The following TSACC variants were observed in gnomAD, a reference collection of about 807,000 sequenced individuals.
The protein encoded by TSACC is TSSK6 activating cochaperone, also known as TSSK6-activating co-chaperone protein.
A neutral mutation model predicts 6.9 loss-of-function variants in TSACC; 3 were observed. The observed-to-expected ratio is 0.43, with a 90% confidence interval of 0.20 to 1.12. The LOEUF is 1.12. TSACC is among the 50% of genes most tolerant of loss of function. The probability of loss-of-function intolerance (pLI) is 0.28; values close to 1 mark genes in which losing one functional copy is unlikely to be tolerated. For synonymous variants in TSACC, 54 were observed against 55.1 expected, an observed-to-expected ratio of 0.98 and a Z score of 0.09; for missense variants, 137 against 143.9, an observed-to-expected ratio of 0.95 and a Z score of 0.24.
At chr1:156,344,470 A>G (rs1248698873) in intron 2 of TSACC, 110 bp from the exon 3 acceptor site, 5 of 1,418,638 alleles carry the variant, frequency 3.5e-6, no homozygotes, top group South Asian at 1.4e-5. Flanking sequence ...GATATGTAAC[A>G]TATTCACGGC....
At position 156,344,683 on chromosome 1, in the gene TSACC, C is replaced by T; in HGVS notation, c.138C>T (p.Asn46=). 1 of 1,614,072 alleles carries T rather than the reference C, an allele frequency of 6.2e-7. No individual in the cohort carries two copies. The highest frequency in any genetic ancestry group is 8.5e-7 in the Non-Finnish European group (1 of 1,180,000). The change falls in exon 3 of 4, where the codon AAC becomes AAT. Residue 46 remains asparagine, a synonymous_variant. Coordinates refer to ENST00000368254, the MANE Select transcript of TSACC (RefSeq NM_001304817.2). The stretch of plus-strand genomic sequence containing the variant: ...GTTCCCCACCAGCCACTTTTCTGAA[C>T]ATCCAGACAACAAAGCTGCCCTCGG... ...QASSPPATFL[N]IQTTKLPSVD... is the part of the protein sequence containing the mutation.
At chr1:156,343,423 T>C (rs1666001533) in intron 2 of TSACC, among the ~76,000 whole-genome samples, 1 of 152,206 alleles carries the variant, frequency 6.6e-6, no homozygotes, top group African/African-American at 2.4e-5. Flanking sequence ...TGCTTTTCCT[T>C]GTCTCTAGTC....
Position 156,344,602 on chromosome 1 carries a change from T to C in TSACC, c.57T>C (p.Asn19=). The C allele has an allele frequency of 2.5e-6, 4 of 1,614,102 alleles. No individual in the cohort carries two copies. The highest frequency in any genetic ancestry group is 3.4e-6 in the Non-Finnish European group (4 of 1,179,992). The change falls in exon 3 of 4, where the codon AAT becomes AAC. Residue 19 remains asparagine, a synonymous_variant. Coordinates refer to ENST00000368254, the MANE Select transcript of TSACC (RefSeq NM_001304817.2). ...NRKVPAKEEA[N]AVPLCRAKPS... ...TAGTTCCAGCCAAAGAGGAAGCTAA[T>C]GCTGTGCCTCTCTGTAGAGCAAAAC...
intron 1 of TSACC, 129 bp from the exon 2 acceptor site, chr1:156,339,505 C>T: frequency 4.4e-6 from 2 of 455,736 alleles, no homozygotes; most frequent in Non-Finnish European, 7.9e-6. Context: ...CTATTTTGTC[C>T]AGAAAAAAAA....
At chr1:156,337,792 G>GGA (rs1553304403), upstream of TSACC, 5 of 280,666 alleles carry the variant, frequency 1.8e-5, no homozygotes, top group Non-Finnish European at 3.3e-5. Flanking sequence ...AGACCTAACT[G>GGA]AAAAAAAAAC....
intron 2 of TSACC, among the ~76,000 whole-genome samples, chr1:156,342,366 CAT>C (rs1207668485): frequency 6.6e-6 from 1 of 152,156 alleles, no homozygotes; most frequent in African/African-American, 2.4e-5. Flanking sequence ...ACCAAAAAAA[CAT>C]ATTTCCCTCA....
intron 2 of TSACC, 117 bp from the exon 3 acceptor site, chr1:156,344,463 A>G: frequency 2.2e-6 from 3 of 1,376,862 alleles, no homozygotes; most frequent in Admixed American, 4.6e-5. Flanking sequence ...TCTTTCTGAT[A>G]TGTAACATAT....
intron 3 of TSACC, among the ~76,000 whole-genome samples, chr1:156,344,989 AG>A (rs1666089716): frequency 6.6e-6 from 1 of 152,236 alleles, no homozygotes; most frequent in Non-Finnish European, 1.5e-5. Context: ...AAAGATGGCC[AG>A]GTTTACCCCT....
chr1:156,339,851 C>T (rs1665763443), intron 2 of TSACC, 60 bp downstream of exon 2: 1 of 1,583,710 alleles, frequency 6.3e-7, no homozygotes. Flanking sequence ...TTGCATTCCC[C>T]ACTAAATGGG....
At chr1:156,340,803 T>C (rs942850827) in intron 2 of TSACC, among the ~76,000 whole-genome samples, 2 of 151,448 alleles carry the variant, frequency 1.3e-5, no homozygotes, top group African/African-American at 4.9e-5. Context: ...ACAGAGTATA[T>C]AGTGCAGTGG....
chr1:156,339,600 C>T (rs1665704793), intron 1 of TSACC, 34 bp from the exon 2 acceptor site: 1 of 809,142 alleles, frequency 1.2e-6, no homozygotes. Flanking sequence ...CCTGTTTGGC[C>T]ATGAAATAGA....
chr1:156,344,534 C>T, intron 2 of TSACC, 46 bp from the exon 3 acceptor site: 1 of 1,600,760 alleles, frequency 6.2e-7, no homozygotes, highest in Non-Finnish European at 8.5e-7. Flanking sequence ...ATTAGAAAGG[C>T]TGTCCCTTGT....
intron 3 of TSACC, among the ~76,000 whole-genome samples, 159 bp downstream of exon 3, chr1:156,344,867 T>C (rs948626072): frequency 3.9e-5 from 6 of 152,240 alleles, no homozygotes; most frequent in Non-Finnish European, 8.8e-5. Context: ...TTCATTGATA[T>C]CATTATCATC....
chr1:156,338,802 G>T (rs1163485065), intron 1 of TSACC, 197 bp downstream of exon 1: 1 of 154,334 alleles, frequency 6.5e-6, no homozygotes, highest in Non-Finnish European at 1.4e-5. Flanking sequence ...TACCGGGCCG[G>T]ACTGCGCAGC....
chr1:156,345,424 G>A (rs771389240), intron 3 of TSACC, among the ~76,000 whole-genome samples: 5 of 151,330 alleles, frequency 3.3e-5, no homozygotes, highest in South Asian at 2.1e-4. Context: ...TAAGCTGGGC[G>A]TGGTGGCAGG....
upstream of TSACC, chr1:156,337,808 A>T: frequency 2.7e-6 from 1 of 367,870 alleles, no homozygotes; most frequent in Non-Finnish European, 5.0e-6. Context: ...AAAACAAAAA[A>T]AAACGTTATT....
intron 2 of TSACC, among the ~76,000 whole-genome samples, chr1:156,342,353 A>T (rs1255389036): frequency 6.6e-6 from 1 of 152,176 alleles, no homozygotes; most frequent in Non-Finnish European, 1.5e-5. Flanking sequence ...GAAAAAAACC[A>T]AAACCAAAAA....
rs11553713 is a variant in TSACC, at chr1:156,346,816, C to T, written c.212C>T (p.Ala71Val). The T allele has an allele frequency of 6.2e-7, 1 of 1,614,152 alleles. No individual in the cohort carries two copies. ...CTAGGACTCCTGGAATGTATGTATG[C>T]AAACCTCCAGCTTCAGACCCAGCTC... ...ECLGLLECMYANLQLQTQLAQ... is the reference protein window; with the variant it reads ...ECLGLLECMYVNLQLQTQLAQ... The change falls in exon 4 of 4, where the codon GCA becomes GTA. Residue 71 changes from alanine (A) to valine (V), a missense_variant. Transcript: ENST00000368254.
intron 2 of TSACC, among the ~76,000 whole-genome samples, chr1:156,340,454 C>T (rs906228345): frequency 7.6e-5 from 11 of 145,560 alleles, no homozygotes; most frequent in South Asian, 2.2e-4. Context: ...CTACCGCCCC[C>T]GGCCTTTTTT....
Sources: allele counts gnomAD v4.1 joint callset (sites outside exome capture counted in the v4.1 genomes callset), GRCh38; gene constraint gnomAD v4.1.1; transcripts MANE v1.5; gene names NCBI Gene and HGNC (gene_info 2026-07-23, HGNC 2026-07-21).